MARCHF1: variants seen among roughly 807,000 people sequenced by gnomAD.
MARCHF1 encodes membrane associated ring-CH-type finger 1.
Under a neutral mutation model 54.2 loss-of-function variants are expected in MARCHF1, and 40 were observed. The observed-to-expected ratio is 0.74, with a 90% confidence interval of 0.57 to 0.96. The LOEUF is 0.96. Among genes scored for constraint, MARCHF1 ranks in the 40% least tolerant of loss-of-function variants. MARCHF1 has a pLI of 0.00. For missense variants in MARCHF1, 586 were observed against 656.5 expected (o/e 0.89, Z 1.17); for synonymous variants, 236 against 236.3 (o/e 1.00, Z 0.01).
intron 4 of MARCHF1, among the ~76,000 whole-genome samples, chr4:163,772,500 T>A (rs1487010830): frequency 6.6e-6 from 1 of 152,134 alleles, no homozygotes; most frequent in African/African-American, 2.4e-5. Context: ...CCCATCTAAT[T>A]CTTCATGCAG....
chr4:164,043,528 A>AT (rs150541867), intron 2 of MARCHF1, among the ~76,000 whole-genome samples: 2,226 of 151,570 alleles, frequency 0.015, 48 homozygotes, highest in African/African-American at 0.048. Flanking sequence ...CCCATAAACC[A>AT]TTTTTCCTTC....
rs185654987 is a variant in MARCHF1, at chr4:164,078,768, G to A, written c.-248+32820C>T. On this transcript the variant is annotated intron_variant, in intron 2 of 9. Transcript: ENST00000514618. ...TAAGAGATGTGTTTGATATATTTCC[G>A]AGCATAAAAACCTGTATTGGTTTTT... Among the ~76,000 whole-genome samples the A allele has an allele frequency of 5.4e-4, 82 of 151,964 alleles. 1 individual carries two copies. The highest frequency in any genetic ancestry group is 4.0e-3 in the Admixed American group (61 of 15,274).
Position 163,527,268 on chromosome 4 carries a change from G to C in MARCHF1, c.*1480C>G, listed in dbSNP as rs994151659. 1.3e-5 allele frequency: 2 copies of C among 151,816 alleles called. No homozygotes were observed. Among genetic ancestry groups the C allele is most frequent in the African/African-American group, 4.8e-5 (2 of 41,282 alleles). The allele number at this position is 151,816 out of a possible 1,614,324, so 9.4% of individuals were successfully genotyped here. A position where few individuals can be genotyped will look rare whatever the true frequency, so the allele number is the denominator to read the frequency against. The stretch of plus-strand genomic sequence containing the variant: ...CAATAATCAACTGTCAAACCTAAAC[G>C]ATTAATTACTTATCACAGAATCTGT... On this transcript the variant is annotated 3_prime_UTR_variant, in exon 10 of 10. Transcript: ENST00000514618.
At chr4:164,249,843 T>C (rs1271292494) in intron 1 of MARCHF1, among the ~76,000 whole-genome samples, 1 of 151,754 alleles carries the variant, frequency 6.6e-6, no homozygotes, top group Non-Finnish European at 1.5e-5. Flanking sequence ...AAAATGATTA[T>C]TTGATGATTA....
At chr4:163,628,860 T>C (rs1040224284) in intron 5 of MARCHF1, among the ~76,000 whole-genome samples, 9 of 152,252 alleles carry the variant, frequency 5.9e-5, no homozygotes, top group African/African-American at 2.2e-4. Context: ...GAAGGACCTC[T>C]TCAAGGATAA....
At chr4:164,004,688 A>T (rs1270380402) in intron 2 of MARCHF1, among the ~76,000 whole-genome samples, 1 of 152,150 alleles carries the variant, frequency 6.6e-6, no homozygotes, top group African/African-American at 2.4e-5. Context: ...ACTAACAAAA[A>T]AGTCTGAAAA....
intron 4 of MARCHF1, among the ~76,000 whole-genome samples, chr4:163,800,462 A>G (rs540550367): frequency 6.6e-6 from 1 of 151,996 alleles, no homozygotes; most frequent in Admixed American, 6.6e-5. Flanking sequence ...TCCAAAGAGT[A>G]TTTTTCTTTT....
chr4:163,736,967 C>A (rs1746052796), intron 4 of MARCHF1, among the ~76,000 whole-genome samples: 1 of 151,996 alleles, frequency 6.6e-6, no homozygotes, highest in African/African-American at 2.4e-5. Flanking sequence ...GGCCCTAACA[C>A]ATTCAGGATC....
intron 5 of MARCHF1, among the ~76,000 whole-genome samples, chr4:163,656,308 G>T (rs989393420): frequency 1.5e-4 from 23 of 151,900 alleles, no homozygotes; most frequent in Non-Finnish European, 8.8e-5. Flanking sequence ...AAATCTAGAA[G>T]AAATAAATAA....
At chr4:163,685,365 A>C (rs1744233868) in intron 5 of MARCHF1, among the ~76,000 whole-genome samples, 2 of 152,184 alleles carry the variant, frequency 1.3e-5, no homozygotes, top group Non-Finnish European at 2.9e-5. Flanking sequence ...CCTTCTCAAG[A>C]AACCCAAATA....
At chr4:163,718,131 C>T (rs1745323521) in intron 4 of MARCHF1, among the ~76,000 whole-genome samples, 2 of 152,182 alleles carry the variant, frequency 1.3e-5, no homozygotes, top group East Asian at 1.9e-4. Context: ...CCCTTCCTTA[C>T]ATCTTACACA....
intron 5 of MARCHF1, among the ~76,000 whole-genome samples, chr4:163,634,316 G>A (rs1311324494): frequency 2.8e-5 from 4 of 140,902 alleles, no homozygotes; most frequent in South Asian, 4.8e-4. Flanking sequence ...TGGATAAAGA[G>A]TCAAGACCCA....
chr4:163,621,472 A>G (rs1741694507), intron 5 of MARCHF1, among the ~76,000 whole-genome samples: 2 of 152,190 alleles, frequency 1.3e-5, no homozygotes, highest in Admixed American at 1.3e-4. Context: ...AGGAGATCCT[A>G]TCCTACTTAG....
At chr4:164,016,954 TAAA>T (rs1421707997) in intron 2 of MARCHF1, among the ~76,000 whole-genome samples, 1 of 152,012 alleles carries the variant, frequency 6.6e-6, no homozygotes, top group Non-Finnish European at 1.5e-5. Context: ...CCATTATAAT[TAAA>T]AACTAAAAAT....
intron 2 of MARCHF1, among the ~76,000 whole-genome samples, chr4:164,074,646 T>C (rs17044449): frequency 0.045 from 6,838 of 152,160 alleles, 197 homozygotes; most frequent in Non-Finnish European, 0.07. Context: ...TTTAAAAGTA[T>C]GCAGTAAAGG....
rs148633665 is a variant in MARCHF1, at chr4:163,925,474, T to C, written c.-39+63027A>G. Among the ~76,000 whole-genome samples the C allele has an allele frequency of 1.8e-4, 28 of 151,970 alleles. 1 individual carries two copies. In the East Asian group the frequency reaches 5.4e-3, roughly 29 times the overall value. ...TATCTAACAATGGAAATAATTCTTT[T>C]AAATCAACCCATTGTTACATTACTA... On this transcript the variant is annotated intron_variant, in intron 3 of 9. Transcript: ENST00000514618.
chr4:164,352,492 T>C (rs368735152), intron 1 of MARCHF1, among the ~76,000 whole-genome samples: 10 of 141,966 alleles, frequency 7.0e-5, no homozygotes, highest in East Asian at 2.4e-4. Context: ...CAACCCAGAA[T>C]TTCATATCCA....
intron 2 of MARCHF1, among the ~76,000 whole-genome samples, chr4:164,024,366 C>T (rs1753725908): frequency 6.6e-6 from 1 of 152,058 alleles, no homozygotes; most frequent in African/African-American, 2.4e-5. Flanking sequence ...CCAAGGGAAC[C>T]CCCATCAGGC....
At chr4:163,980,097 C>T (rs1323928534) in intron 3 of MARCHF1, among the ~76,000 whole-genome samples, 1 of 147,550 alleles carries the variant, frequency 6.8e-6, no homozygotes, top group Admixed American at 6.9e-5. Flanking sequence ...GGAGGCATCA[C>T]ACTACCTGAC....
Sources: allele counts gnomAD v4.1 joint callset (sites outside exome capture counted in the v4.1 genomes callset), GRCh38; gene constraint gnomAD v4.1.1; transcripts MANE v1.5; gene names NCBI Gene and HGNC (gene_info 2026-07-23, HGNC 2026-07-21).